CAB39L: variants seen among roughly 807,000 people sequenced by gnomAD.
CAB39L encodes the protein calcium binding protein 39 like.
A neutral mutation model predicts 39.1 loss-of-function variants in CAB39L; 23 were observed. The observed-to-expected ratio is 0.59, with a 90% CI of 0.42 to 0.83. The LOEUF (loss-of-function observed/expected upper bound fraction) is 0.83, where lower values mean the gene tolerates loss of function less well. CAB39L is among the 40% of genes least tolerant of loss of function. The probability of loss-of-function intolerance (pLI) is 0.00; values close to 1 mark genes in which losing one functional copy is unlikely to be tolerated. For missense variants in CAB39L, 366 were observed against 391.9 expected (o/e 0.93, Z 0.56); for synonymous variants, 126 against 137.2 (o/e 0.92, Z 0.57).
Position 49,403,956 on chromosome 13 carries a change from C to A in CAB39L, c.-31-21015G>T, listed in dbSNP as rs1956824364. Among the ~76,000 whole-genome samples the A allele has an allele frequency of 2.6e-5, 4 of 152,248 alleles. No homozygotes were observed. The South Asian group carries it at 8.3e-4, about 32-fold the overall frequency. ...TAAAAATGAACAGAGAATCCCTGAA[C>A]TATGGGGAAACTTAAAAGAACCTAA... On this transcript the variant is annotated intron_variant, in intron 3 of 10. Transcript: ENST00000409308.
chr13:49,322,369 T>C (rs919800425), intron 10 of CAB39L, among the ~76,000 whole-genome samples: 3 of 152,220 alleles, frequency 2.0e-5, no homozygotes, highest in African/African-American at 7.2e-5. Context: ...GTTTTGAAAG[T>C]ATTCAATGAG....
intron 1 of CAB39L, among the ~76,000 whole-genome samples, chr13:49,435,250 G>A (rs1300239763): frequency 2.6e-5 from 4 of 152,138 alleles, no homozygotes; most frequent in Non-Finnish European, 5.9e-5. Flanking sequence ...CTTAGTTTAT[G>A]CAATCAGTTC....
At chr13:49,325,746 G>T (rs1954479419) in intron 10 of CAB39L, among the ~76,000 whole-genome samples, 1 of 152,110 alleles carries the variant, frequency 6.6e-6, no homozygotes, top group African/African-American at 2.4e-5. Flanking sequence ...CCGAGATCAT[G>T]CCACTGCACT....
intron 9 of CAB39L, among the ~76,000 whole-genome samples, chr13:49,333,722 C>T (rs1461372034): frequency 6.6e-6 from 1 of 151,888 alleles, no homozygotes; most frequent in Non-Finnish European, 1.5e-5. Flanking sequence ...CAGCCACCTG[C>T]CACCATGCCC....
chr13:49,317,695 A>G (rs1424121375), intron 10 of CAB39L, among the ~76,000 whole-genome samples: 1 of 152,244 alleles, frequency 6.6e-6, no homozygotes, highest in African/African-American at 2.4e-5. Context: ...GTAAATTTTC[A>G]TAATGTTGGA....
At chr13:49,376,940 A>G (rs1342112641) in intron 5 of CAB39L, 27 bp downstream of exon 5, 24 of 1,502,876 alleles carry the variant, frequency 1.6e-5, no homozygotes, top group Non-Finnish European at 2.0e-5. Flanking sequence ...GAAAAGCACC[A>G]CTGACATCCT....
At chr13:49,368,281 C>A (rs1955823783) in intron 5 of CAB39L, among the ~76,000 whole-genome samples, 1 of 152,162 alleles carries the variant, frequency 6.6e-6, no homozygotes. Flanking sequence ...GCAAAGGAAG[C>A]CCCCTGTGGA....
At chr13:49,371,142 T>C (rs1256484959) in intron 5 of CAB39L, among the ~76,000 whole-genome samples, 2 of 151,862 alleles carry the variant, frequency 1.3e-5, no homozygotes, top group Non-Finnish European at 2.9e-5. Context: ...TTTACAGTAA[T>C]AAAACCAAAG....
chr13:49,439,672 G>A (rs1035970985), intron 1 of CAB39L, among the ~76,000 whole-genome samples: 11 of 152,186 alleles, frequency 7.2e-5, no homozygotes, highest in African/African-American at 2.4e-4. Flanking sequence ...GATTTCCACA[G>A]TGGCTGAACT....
At chr13:49,322,150 G>A (rs181268766) in intron 10 of CAB39L, among the ~76,000 whole-genome samples, 5 of 151,906 alleles carry the variant, frequency 3.3e-5, no homozygotes, top group Admixed American at 6.6e-5. Context: ...CGCCCCCTCC[G>A]CACCCCAACA....
intron 5 of CAB39L, among the ~76,000 whole-genome samples, chr13:49,366,410 C>G (rs1484139211): frequency 6.6e-6 from 1 of 151,010 alleles, no homozygotes; most frequent in Non-Finnish European, 1.5e-5. Flanking sequence ...CATGCTCTCA[C>G]GAGGTCAGGA....
intron 5 of CAB39L, among the ~76,000 whole-genome samples, chr13:49,360,277 T>C (rs890199486): frequency 3.3e-5 from 5 of 152,276 alleles, no homozygotes; most frequent in Non-Finnish European, 1.5e-5. Context: ...TTCTTAGATC[T>C]ACTTTCTAGT....
chr13:49,406,169 CT>C lies in CAB39L; in HGVS notation c.-31-23229del, dbSNP rs1215587782. ...ACTGAGGGAATACAATTGGAATGCT[CT>C]TTTTTTTTTTTTTTTGAGATGGAGT... On this transcript the variant is annotated intron_variant, in intron 3 of 10. Transcript: ENST00000409308. Among the ~76,000 whole-genome samples the C allele has an allele frequency of 6.3e-3, 847 of 134,398 alleles. 8 individuals are homozygous for C. The highest frequency in any genetic ancestry group is 0.017 in the African/African-American group (612 of 36,790). The allele number at this position is 134,398 out of a possible 152,430, so 88.2% of individuals were successfully genotyped here. A position where few individuals can be genotyped will look rare whatever the true frequency, so the allele number is the denominator to read the frequency against.
chr13:49,383,092 C>A (rs1956282784), intron 3 of CAB39L, among the ~76,000 whole-genome samples, 151 bp from the exon 4 acceptor site: 1 of 151,752 alleles, frequency 6.6e-6, no homozygotes, highest in African/African-American at 2.4e-5. Context: ...AGTTTTATGC[C>A]AAATTTAAAT....
chr13:49,372,113 A>G (rs1392744479), intron 5 of CAB39L, among the ~76,000 whole-genome samples: 1 of 152,112 alleles, frequency 6.6e-6, no homozygotes, highest in Non-Finnish European at 1.5e-5. Context: ...GTGTTTCAAA[A>G]CATCAAAGAG....
intron 3 of CAB39L, among the ~76,000 whole-genome samples, chr13:49,431,334 T>C (rs1438436471): frequency 6.6e-6 from 1 of 152,246 alleles, no homozygotes; most frequent in Non-Finnish European, 1.5e-5. Context: ...GAGTATTCCA[T>C]TGTATAGATA....
At chr13:49,335,824 A>G (rs1954830991) in intron 9 of CAB39L, among the ~76,000 whole-genome samples, 1 of 152,198 alleles carries the variant, frequency 6.6e-6, no homozygotes, top group African/African-American at 2.4e-5. Flanking sequence ...TTTTATTGAC[A>G]CCAGGAATTA....
At chr13:49,315,115 G>T (rs934502095) in intron 10 of CAB39L, among the ~76,000 whole-genome samples, 1 of 152,196 alleles carries the variant, frequency 6.6e-6, no homozygotes, top group Non-Finnish European at 1.5e-5. Context: ...TTCTGAAATT[G>T]TTCATAAATA....
rs1955963637 is a variant in CAB39L at position 49,373,095 on chromosome 13, C to T, written c.276+3872G>A. On this transcript the variant is annotated intron_variant, in intron 5 of 10. Coordinates refer to ENST00000409308, the MANE Select transcript of CAB39L (RefSeq NM_001079670.3). ...CAGATCACTTTTATGAAAGGTTCCTCAGTCTTCCTGATCATCTTTCTCCAT... is the reference window on the plus strand; with the variant it reads ...CAGATCACTTTTATGAAAGGTTCCTTAGTCTTCCTGATCATCTTTCTCCAT... Among the ~76,000 whole-genome samples, 4 of 152,234 alleles carry T rather than the reference C, an allele frequency of 2.6e-5. No homozygotes were observed. The South Asian group carries it at 8.3e-4, about 32-fold the overall frequency.
Sources: gnomAD v4.1 joint callset for allele counts (sites outside exome capture counted in the v4.1 genomes callset) on GRCh38, gnomAD v4.1.1 for gene constraint, MANE v1.5 for transcripts, NCBI Gene and HGNC (gene_info 2026-07-23, HGNC 2026-07-21) for gene names.